Variants in TMOD2 observed in about 807,000 individuals in gnomAD.
The protein encoded by TMOD2 is tropomodulin-2.
TMOD2 carries 22 observed loss-of-function variants against 39.9 expected under a neutral mutation model. The observed-to-expected ratio is 0.55, with a 90% CI of 0.39 to 0.79. TMOD2 has a LOEUF of 0.79. Among genes scored for constraint, TMOD2 ranks in the 30% least tolerant of loss-of-function variants. The pLI is 0.00. For missense variants in TMOD2, 386 were observed against 413.3 expected, an observed-to-expected ratio of 0.93 and a Z score of 0.57; for synonymous variants, 123 against 146.1, an observed-to-expected ratio of 0.84 and a Z score of 1.14.
intron 3 of TMOD2, among the ~76,000 whole-genome samples, chr15:51,768,662 A>T (rs1285826343): frequency 6.8e-6 from 1 of 147,410 alleles, no homozygotes; most frequent in African/African-American, 2.5e-5. Flanking sequence ...TGGATTCAGT[A>T]TTTATTTTAT....
At position 51,809,534 on chromosome 15, in the gene TMOD2, GA is replaced by G. The variant is rs1263023794; in HGVS notation, c.*1083del. The G allele has an allele frequency of 6.6e-6, 1 of 152,258 alleles. No individual in the cohort carries two copies. Among genetic ancestry groups the G allele is most frequent in the African/African-American group, 2.4e-5 (1 of 41,476 alleles). 9.4% of individuals were successfully genotyped at this position (152,258 alleles called of 1,614,324 possible). On this transcript the variant is annotated 3_prime_UTR_variant, in exon 10 of 10. Transcript: ENST00000249700. Reference sequence around the variant, plus strand: ...ATGTCATCTCAAGGACAAAGCCTGTGAAAGTACAAGTGAGATGGTTGCATTG... The same window carrying G: ...ATGTCATCTCAAGGACAAAGCCTGTGAAGTACAAGTGAGATGGTTGCATTG...
At chr15:51,765,267 C>G (rs889022965) in intron 1 of TMOD2, among the ~76,000 whole-genome samples, 4 of 152,220 alleles carry the variant, frequency 2.6e-5, no homozygotes, top group African/African-American at 9.6e-5. Context: ...TTCCAAAGTG[C>G]TGGGATTACA....
rs2055817500 is a variant in TMOD2, at chr15:51,766,504, T to G, written c.63T>G (p.Leu21=). The change falls in exon 2 of 10, where the codon CTT becomes CTG. Residue 21 remains leucine (L), a synonymous_variant. Coordinates refer to ENST00000249700, the MANE Select transcript of TMOD2 (RefSeq NM_014548.4). ...KYKNIDEDEL[L]GKLSEEELKQ... ...AGAACATTGATGAAGATGAGCTTCTTGGCAAACTCTCAGAAGAGGAACTGA... is the reference window on the plus strand; with the variant it reads ...AGAACATTGATGAAGATGAGCTTCTGGGCAAACTCTCAGAAGAGGAACTGA... The G allele has an allele frequency of 1.9e-6, 3 of 1,613,982 alleles. No individual in the cohort carries two copies. Among genetic ancestry groups the G allele is most frequent in the African/African-American group, 1.3e-5 (1 of 74,944 alleles).
rs543792980 is a variant in TMOD2, at chr15:51,812,416, T to C, written c.*3962T>C. ...AAACTGAAAATTCTTAAAACCAATA[T>C]TAAGCATCAGCATGCTTTAAGTGTA... On this transcript the variant is annotated 3_prime_UTR_variant, in exon 10 of 10. Transcript: ENST00000249700. 38 of 152,322 alleles carry C rather than the reference T, an allele frequency of 2.5e-4. No homozygotes were observed. The highest frequency in any genetic ancestry group is 8.7e-4 in the African/African-American group (36 of 41,564). 9.4% of individuals were successfully genotyped at this position (152,322 alleles called of 1,614,324 possible).
chr15:51,766,343 T>C, intron 1 of TMOD2, 30 bp from the exon 2 acceptor site: 1 of 1,189,486 alleles, frequency 8.4e-7, no homozygotes, highest in East Asian at 2.4e-5. Context: ...ACGGAGATTC[T>C]TTTTTATTGT....
intron 3 of TMOD2, among the ~76,000 whole-genome samples, chr15:51,770,089 T>C (rs753600704): frequency 6.6e-6 from 1 of 152,112 alleles, no homozygotes; most frequent in Non-Finnish European, 1.5e-5. Flanking sequence ...TCTCAAATCC[T>C]TACTGTGGTC....
In TMOD2 at chr15:51,806,359, G is replaced by A; in HGVS notation, c.877-18G>A. On this transcript the variant is annotated intron_variant, in intron 8 of 9. Coordinates refer to ENST00000249700, the MANE Select transcript of TMOD2 (RefSeq NM_014548.4). ...TCCTTCTTGGTCATCCTGTGCATGTGTCTGCACCTGCAACCAGAGGCAGCA... is the reference window on the plus strand; with the variant it reads ...TCCTTCTTGGTCATCCTGTGCATGTATCTGCACCTGCAACCAGAGGCAGCA... 6.2e-7 allele frequency: 1 copy of A among 1,613,920 alleles called. No homozygotes were observed.
intron 7 of TMOD2, among the ~76,000 whole-genome samples, chr15:51,792,058 A>G (rs1387361559): frequency 6.6e-6 from 1 of 152,236 alleles, no homozygotes; most frequent in Non-Finnish European, 1.5e-5. Context: ...AGAAATTATC[A>G]TCAGAGTGAA....
intron 8 of TMOD2, among the ~76,000 whole-genome samples, chr15:51,803,613 T>C (rs1037306989): frequency 1.1e-4 from 16 of 152,164 alleles, no homozygotes; most frequent in East Asian, 1.9e-4. Flanking sequence ...ATCTAGAAGA[T>C]TGATAAATTT....
chr15:51,798,881 G>A (rs2056069574), intron 8 of TMOD2, among the ~76,000 whole-genome samples: 1 of 152,192 alleles, frequency 6.6e-6, no homozygotes, highest in Admixed American at 6.5e-5. Flanking sequence ...TCTAGAAGAT[G>A]GTCTGGCTTA....
rs142813497 is a variant in TMOD2, at chr15:51,795,227, C to T, written c.733-2970C>T. Reference sequence around the variant, plus strand: ...CCTGAGGTCAGGAGTTCGAGACCAGCCTGGCCAACATGGTGAAACCCCGTC... The same window carrying T: ...CCTGAGGTCAGGAGTTCGAGACCAGTCTGGCCAACATGGTGAAACCCCGTC... On this transcript the variant is annotated intron_variant, in intron 7 of 9. Transcript: ENST00000249700. Among the ~76,000 whole-genome samples, 1,420 of 152,144 alleles carry T rather than the reference C, an allele frequency of 9.3e-3. 21 individuals are homozygous for T. The highest frequency in any genetic ancestry group is 0.033 in the African/African-American group (1,370 of 41,502).
chr15:51,808,174 A>G (rs997512130), intron 9 of TMOD2, among the ~76,000 whole-genome samples: 3 of 152,200 alleles, frequency 2.0e-5, no homozygotes, highest in South Asian at 4.1e-4. Context: ...TTTCTATCCC[A>G]TAGAAATTCG....
At chr15:51,773,624 T>C in intron 3 of TMOD2, 88 bp from the exon 4 acceptor site, 2 of 1,364,618 alleles carry the variant, frequency 1.5e-6, no homozygotes, top group African/African-American at 2.9e-5. Context: ...TGGGTCTCAA[T>C]GGCCAGAACT....
At chr15:51,776,865 A>AAATTAAC in intron 4 of TMOD2, 67 bp from the exon 5 acceptor site, 1 of 1,301,628 alleles carries the variant, frequency 7.7e-7, no homozygotes, top group East Asian at 2.3e-5. Context: ...TTCAAGGGAC[A>AAATTAAC]AATTAACAAT....
At chr15:51,795,610 C>CTTTCTTTCTTTCTTTCT (rs1555462817) in intron 7 of TMOD2, among the ~76,000 whole-genome samples, 26 of 122,770 alleles carry the variant, frequency 2.1e-4, no homozygotes, top group African/African-American at 7.4e-4. Flanking sequence ...TTCTTTCTTT[C>CTTTCTTTCTTTCTTTCT]TTTCTTTCTT....
At chr15:51,792,545 C>T (rs1406534163) in intron 7 of TMOD2, among the ~76,000 whole-genome samples, 1 of 152,158 alleles carries the variant, frequency 6.6e-6, no homozygotes, top group Non-Finnish European at 1.5e-5. Flanking sequence ...AATCATTCTA[C>T]TATAAAGACA....
chr15:51,770,794 A>T (rs2055848500), intron 3 of TMOD2, among the ~76,000 whole-genome samples: 1 of 152,072 alleles, frequency 6.6e-6, no homozygotes, highest in Non-Finnish European at 1.5e-5. Flanking sequence ...GATAAAGTGG[A>T]TCCTGTCTCC....
chr15:51,767,682 A>G (rs529593323), intron 2 of TMOD2, among the ~76,000 whole-genome samples: 1 of 152,378 alleles, frequency 6.6e-6, no homozygotes, highest in South Asian at 2.1e-4. Flanking sequence ...TACCATAAAT[A>G]AAAATATAAC....
intron 8 of TMOD2, among the ~76,000 whole-genome samples, chr15:51,801,314 C>G (rs950706749): frequency 1.4e-5 from 2 of 142,528 alleles, no homozygotes; most frequent in Non-Finnish European, 3.1e-5. Flanking sequence ...CTCTCTCTCT[C>G]TAAGAAAAGA....
Sources: gnomAD v4.1 joint callset for allele counts (sites outside exome capture counted in the v4.1 genomes callset) on GRCh38, gnomAD v4.1.1 for gene constraint, MANE v1.5 for transcripts, NCBI Gene and HGNC (gene_info 2026-07-23, HGNC 2026-07-21) for gene names.